The following SCML2 variants were observed in gnomAD, a reference collection of about 807,000 sequenced individuals.
The protein encoded by SCML2 is Scm polycomb group protein like 2, also known as sex comb on midleg-like protein 2.
Under a neutral mutation model 48.4 loss-of-function variants are expected in SCML2, and 6 were observed. The ratio of observed to expected loss-of-function variants is 0.12; its 90% CI spans 0.07 to 0.24. The LOEUF is 0.24. SCML2 is among the 10% of genes least tolerant of loss of function. The pLI is 1.00. For synonymous variants in SCML2, 181 were observed against 189.5 expected, an observed-to-expected ratio of 0.95 and a Z score of 0.37; for missense variants, 377 against 528.2, an observed-to-expected ratio of 0.71 and a Z score of 2.81.
intron 13 of SCML2, among the ~76,000 whole-genome samples, chrX:18,245,308 T>C (rs1926402913): frequency 8.9e-6 from 1 of 112,158 alleles, no homozygotes; most frequent in African/African-American, 3.2e-5. Context: ...TACCTTAGTG[T>C]TTGACATACA....
Position 18,324,937 on chromosome X carries a change from A to T in SCML2, c.132T>A (p.Ser44=). 1 of 1,205,493 alleles carries T rather than the reference A, an allele frequency of 8.3e-7. No individual in the cohort carries two copies. Among genetic ancestry groups the T allele is most frequent in the Non-Finnish European group, 1.1e-6 (1 of 890,090 alleles). The change falls in exon 4 of 15, where the codon TCT becomes TCA. Residue 44 remains serine (S), a synonymous_variant. Transcript: ENST00000251900. ...HWEEYLKETG[S]ISAPSECFRQ... is the part of the protein sequence containing the mutation. ...GGAAGCACTCTGAAGGAGCACTTAT[A>T]GACCCAGTCTCTTTCAAATACTCCT...
intron 7 of SCML2, among the ~76,000 whole-genome samples, chrX:18,297,110 T>C (rs772762330): frequency 8.9e-6 from 1 of 112,072 alleles, no homozygotes; most frequent in African/African-American, 3.2e-5. Flanking sequence ...TGATACATCA[T>C]ATCAACAGTA....
intron 7 of SCML2, among the ~76,000 whole-genome samples, chrX:18,300,356 C>T (rs1460338588): frequency 9.2e-6 from 1 of 108,229 alleles, no homozygotes; most frequent in African/African-American, 3.4e-5. Flanking sequence ...GCCAAGATCA[C>T]ACCACTGCAC....
Position 18,321,157 on chromosome X carries a change from T to G in SCML2, c.398-737A>C, listed in dbSNP as rs745319703. On this transcript the variant is annotated intron_variant, in intron 5 of 14. Transcript: ENST00000251900. Reference sequence around the variant, plus strand: ...TTTTCTGTATGTTTGAAATTCTCCATAAAATGTGTTAGAAAAAAGACAGCT... The same window carrying G: ...TTTTCTGTATGTTTGAAATTCTCCAGAAAATGTGTTAGAAAAAAGACAGCT... Among the ~76,000 whole-genome samples, 435 of 111,748 alleles carry G rather than the reference T, an allele frequency of 3.9e-3. 1 individual carries two copies. The highest frequency in any genetic ancestry group is 6.6e-3 in the Non-Finnish European group (352 of 53,115).
intron 13 of SCML2, 61 bp from the exon 14 acceptor site, chrX:18,242,651 G>A: frequency 9.0e-7 from 1 of 1,105,493 alleles, no homozygotes; most frequent in Non-Finnish European, 1.2e-6. Flanking sequence ...TGAAAGAAGA[G>A]ATGTTAGGTA....
chrX:18,343,055 T>C (rs755214646), intron 1 of SCML2, among the ~76,000 whole-genome samples: 1 of 111,654 alleles, frequency 9.0e-6, no homozygotes, highest in Non-Finnish European at 1.9e-5. Context: ...AATTCTAAGA[T>C]TATAGGGCCT....
intron 2 of SCML2, among the ~76,000 whole-genome samples, chrX:18,333,798 T>C (rs767172096): frequency 8.9e-6 from 1 of 112,282 alleles, no homozygotes; most frequent in East Asian, 2.8e-4. Context: ...CTTTGGATTC[T>C]AATCTTGGCT....
rs781364092 is a variant in SCML2, at chrX:18,246,711, A to C, written c.1688T>G (p.Met563Arg). 1 of 1,210,649 alleles carries C rather than the reference A, an allele frequency of 8.3e-7. No individual in the cohort carries two copies. The highest frequency in any genetic ancestry group is 2.3e-4 in the Middle Eastern group (1 of 4,351). ...NYLNPACRNP[M>R]YIHTSVSQDF... ...CTGGGAGACTGAAGTATGAATATAC[A>C]TAGGATTTCTACAGGCAGGATTCAA... The change falls in exon 13 of 15, where the codon ATG becomes AGG. Residue 563 changes from methionine (M) to arginine (R), a missense_variant. Physicochemically the swap from Met to Arg is moderately conservative, Grantham distance 91 (BLOSUM62 -1). Coordinates refer to ENST00000251900, the MANE Select transcript of SCML2 (RefSeq NM_006089.3).
At chrX:18,339,763 C>T (rs1468446151) in intron 1 of SCML2, among the ~76,000 whole-genome samples, 1 of 111,045 alleles carries the variant, frequency 9.0e-6, no homozygotes, top group South Asian at 3.8e-4. Flanking sequence ...GCTTTTGGCC[C>T]TTTATGAGCC....
In SCML2 at chrX:18,260,225, C is replaced by T; in HGVS notation, c.1015G>A (p.Gly339Ser). The part of the protein sequence containing the change: ...ASLKSLTRDR[G>S]MLYKDVASGP... ...GAAGCGACATCTTTATATAACATGC[C>T]ACGGTCTCTGGTCAGCGATTTTAGA... Residue 339 changes from glycine (G) to serine (S), a missense_variant, in exon 9 of 15, where the codon GGC becomes AGC. Gly to Ser is a moderately conservative substitution (Grantham distance 56). Transcript: ENST00000251900. 8.3e-7 allele frequency: 1 copy of T among 1,203,024 alleles called. No homozygotes were observed. The highest frequency in any genetic ancestry group is 1.7e-5 in the African/African-American group (1 of 57,442).
At chrX:18,268,564 A>C (rs1463188262) in intron 7 of SCML2, among the ~76,000 whole-genome samples, 1 of 110,151 alleles carries the variant, frequency 9.1e-6, no homozygotes, top group Admixed American at 9.7e-5. Flanking sequence ...TCCATCTTAA[A>C]ATACTTTTTC....
chrX:18,274,264 C>T (rs1347593898), intron 7 of SCML2, among the ~76,000 whole-genome samples: 1 of 111,777 alleles, frequency 8.9e-6, no homozygotes, highest in African/African-American at 3.3e-5. Context: ...CAAAAGCACT[C>T]GCCCCAGCTC....
At chrX:18,300,358 C>CAG (rs1240454321) in intron 7 of SCML2, among the ~76,000 whole-genome samples, 1 of 108,837 alleles carries the variant, frequency 9.2e-6, no homozygotes, top group Non-Finnish European at 1.9e-5. Flanking sequence ...CAAGATCACA[C>CAG]CACTGCACTC....
intron 3 of SCML2, among the ~76,000 whole-genome samples, chrX:18,327,002 T>A (rs1929500882): frequency 9.0e-6 from 1 of 111,069 alleles, no homozygotes; most frequent in South Asian, 3.8e-4. Flanking sequence ...AGACCAGATG[T>A]TTCAGTGATT....
chrX:18,286,118 T>A (rs7883329), intron 7 of SCML2, among the ~76,000 whole-genome samples: 2 of 110,440 alleles, frequency 1.8e-5, no homozygotes, highest in Non-Finnish European at 3.8e-5. Context: ...ACATGTAGTT[T>A]TCAGATTTTC....
chrX:18,256,929 C>A lies in SCML2; in HGVS notation c.1375G>T (p.Asp459Tyr), dbSNP rs778056009. Residue 459 changes from aspartate (D) to tyrosine (Y), a missense_variant, in exon 11 of 15, where the codon GAT becomes TAT. Transcript: ENST00000251900. ...AAAGGCTGGCTACTCAAAAGGTTAT[C>A]ACACTGCAGACTGTGGCAGAAGTTC... is the stretch of plus-strand genomic sequence containing the variant. ...LENFCHSLQC[D>Y]NLLSSQPFSS... is the part of the protein sequence containing the mutation. The A allele has an allele frequency of 2.5e-6, 3 of 1,208,102 alleles. No homozygotes were observed. In the South Asian group the frequency reaches 5.3e-5, roughly 21 times the overall value.
At chrX:18,343,362 G>A (rs1569166394) in intron 1 of SCML2, among the ~76,000 whole-genome samples, 1 of 108,389 alleles carries the variant, frequency 9.2e-6, no homozygotes, top group Non-Finnish European at 1.9e-5. Flanking sequence ...AAAAAAAAAA[G>A]AGAGAGAGAG....
intron 5 of SCML2, among the ~76,000 whole-genome samples, chrX:18,323,585 G>C (rs978039522): frequency 1.8e-5 from 2 of 111,621 alleles, no homozygotes; most frequent in African/African-American, 6.5e-5. Context: ...TAATCTAGTA[G>C]AGCTGGTTTT....
At chrX:18,290,082 T>G in intron 7 of SCML2, among the ~76,000 whole-genome samples, 1 of 111,769 alleles carries the variant, frequency 8.9e-6, no homozygotes, top group Middle Eastern at 4.7e-3. Flanking sequence ...AAGAAAAAAC[T>G]AAACCACACA....
Sources: allele counts gnomAD v4.1 joint callset (sites outside exome capture counted in the v4.1 genomes callset), GRCh38; gene constraint gnomAD v4.1.1; transcripts MANE v1.5; gene names NCBI Gene and HGNC (gene_info 2026-07-23, HGNC 2026-07-21).